The following FGF13 variants were observed in gnomAD, a reference collection of about 807,000 sequenced individuals.
The protein encoded by FGF13 is fibroblast growth factor 13, also known as fibroblast growth factor homologous factor 2.
In FGF13, 2 loss-of-function variants were observed where a neutral mutation model predicts 19.5. The observed-to-expected ratio is 0.10, with a 90% CI of 0.04 to 0.32. The LOEUF is 0.32. Among genes scored for constraint, FGF13 ranks in the 10% least tolerant of loss-of-function variants. The pLI, the probability that FGF13 is intolerant of heterozygous loss-of-function variation, is 1.00. For synonymous variants in FGF13, 72 were observed against 76.9 expected (o/e 0.94, Z 0.33); for missense variants, 113 against 192.7 (o/e 0.59, Z 2.45).
At chrX:138,750,246 T>C (rs2124315925) in intron 3 of FGF13, among the ~76,000 whole-genome samples, 1 of 111,793 alleles carries the variant, frequency 8.9e-6, no homozygotes, top group African/African-American at 3.3e-5. Flanking sequence ...AAATAAAGGT[T>C]TATAATTATA....
At chrX:138,860,137 G>A (rs2091281025) in intron 2 of FGF13, among the ~76,000 whole-genome samples, 1 of 112,013 alleles carries the variant, frequency 8.9e-6, no homozygotes, top group South Asian at 3.8e-4. Flanking sequence ...AAGTGGCACT[G>A]TATAGGCAAC....
intron 1 of FGF13, among the ~76,000 whole-genome samples, chrX:138,981,067 T>C (rs1304939956): frequency 9.0e-6 from 1 of 111,455 alleles, no homozygotes; most frequent in Admixed American, 9.5e-5. Flanking sequence ...GTTTTGTTTA[T>C]TTCATTCTTA....
intron 1 of FGF13, among the ~76,000 whole-genome samples, chrX:138,907,029 G>A (rs2091562085): frequency 9.0e-6 from 1 of 111,682 alleles, no homozygotes; most frequent in Admixed American, 9.5e-5. Context: ...GTGTAACAAA[G>A]AGGCTGCCTG....
intron 1 of FGF13, among the ~76,000 whole-genome samples, chrX:138,972,661 C>T (rs962795313): frequency 9.0e-6 from 1 of 111,007 alleles, no homozygotes; most frequent in African/African-American, 3.3e-5. Flanking sequence ...CGGGCCCTCA[C>T]CATCATTTTT....
At chrX:138,850,755 G>A (rs1013957725) in intron 3 of FGF13, among the ~76,000 whole-genome samples, 2 of 112,372 alleles carry the variant, frequency 1.8e-5, no homozygotes, top group African/African-American at 6.5e-5. Context: ...AAGTTCCGGT[G>A]TACATGTGTG....
At chrX:138,788,622 A>G (rs770300118) in intron 3 of FGF13, among the ~76,000 whole-genome samples, 211 of 112,202 alleles carry the variant, frequency 1.9e-3, no homozygotes, top group African/African-American at 6.5e-3. Flanking sequence ...GTCCTGTCCA[A>G]TACAATCTAA....
chrX:138,927,808 C>T (rs933783270), intron 1 of FGF13, among the ~76,000 whole-genome samples: 1 of 111,551 alleles, frequency 9.0e-6, no homozygotes, highest in Non-Finnish European at 1.9e-5. Context: ...GGTAGTCAGC[C>T]GCTACCATAG....
intron 3 of FGF13, among the ~76,000 whole-genome samples, chrX:138,786,602 A>G (rs1290266357): frequency 9.0e-6 from 1 of 111,255 alleles, no homozygotes; most frequent in Non-Finnish European, 1.9e-5. Flanking sequence ...GAATTCCCCC[A>G]CCCATCTCTT....
At chrX:139,097,767 A>G (rs1383178527) in intron 1 of FGF13, among the ~76,000 whole-genome samples, 1 of 111,628 alleles carries the variant, frequency 9.0e-6, no homozygotes, top group African/African-American at 3.3e-5. Context: ...AGGCAAAACA[A>G]TGGAGTAAAT....
chrX:138,687,769 A>T (rs1042224139), intron 3 of FGF13, among the ~76,000 whole-genome samples: 1 of 111,711 alleles, frequency 9.0e-6, no homozygotes, highest in Non-Finnish European at 1.9e-5. Flanking sequence ...TCAACAAATG[A>T]ACGAATAAAG....
At chrX:139,056,412 A>C (rs1205276247) in intron 1 of FGF13, among the ~76,000 whole-genome samples, 2 of 112,241 alleles carry the variant, frequency 1.8e-5, no homozygotes, top group Non-Finnish European at 3.8e-5. Flanking sequence ...TCATCACAAA[A>C]TAAGGATTAG....
rs1418397884 is a variant in FGF13 at position 138,622,806 on chromosome X, A to T, written c.*10044T>A. 2 of 111,351 alleles carry T rather than the reference A, an allele frequency of 1.8e-5. No individual in the cohort carries two copies. Among genetic ancestry groups the T allele is most frequent in the African/African-American group, 6.5e-5 (2 of 30,674 alleles). 9.2% of individuals were successfully genotyped at this position (111,351 alleles called of 1,213,427 possible). ...CATATGAATTTTAGAATTTTTTTTT[A>T]TTTCTGTAAAAGATTCGATTAAGAT... On this transcript the variant is annotated 3_prime_UTR_variant, in exon 5 of 5. Transcript: ENST00000315930.
rs148877505 is a variant in FGF13 at position 139,107,146 on chromosome X, A to G, written c.-113+96270T>C. Among the ~76,000 whole-genome samples the G allele has an allele frequency of 5.3e-3, 594 of 111,994 alleles. 2 individuals are homozygous for G. Among genetic ancestry groups the G allele is most frequent in the African/African-American group, 0.018 (560 of 30,842 alleles). On this transcript the variant is annotated intron_variant, in intron 1 of 2. Transcript: ENST00000421460. ...GGTGTGAACAAGTAAATTGACAAGTATGATAACGTGTGATGAAGAGTGGCA... is the reference window on the plus strand; with the variant it reads ...GGTGTGAACAAGTAAATTGACAAGTGTGATAACGTGTGATGAAGAGTGGCA...
intron 3 of FGF13, among the ~76,000 whole-genome samples, chrX:138,768,684 T>A (rs1315213398): frequency 9.9e-6 from 1 of 100,845 alleles, no homozygotes; most frequent in Non-Finnish European, 1.9e-5. Flanking sequence ...TATATCATAC[T>A]TATATATAAG....
At chrX:138,996,241 G>A (rs2092042170) in intron 1 of FGF13, among the ~76,000 whole-genome samples, 1 of 112,546 alleles carries the variant, frequency 8.9e-6, no homozygotes, top group Non-Finnish European at 1.9e-5. Context: ...CCTCACCCGG[G>A]AAGTGCAAGC....
chrX:138,984,579 AAGAAGAAGAAGGAGGAGGAGG>A (rs2091981930), intron 1 of FGF13, among the ~76,000 whole-genome samples: 2 of 49,478 alleles, frequency 4.0e-5, no homozygotes, highest in African/African-American at 1.6e-4. Context: ...GAAGAAGAAG[AAGAAGAAGAAGGAGGAGGAGG>A]AGGAGGAGGA....
chrX:139,198,466 C>T (rs1032528098), intron 1 of FGF13, among the ~76,000 whole-genome samples: 2 of 111,671 alleles, frequency 1.8e-5, no homozygotes, highest in Non-Finnish European at 3.8e-5. Context: ...CAACCACAAC[C>T]CTACACCAGC....
At chrX:138,642,983 C>A (rs1255862325) in intron 3 of FGF13, among the ~76,000 whole-genome samples, 2 of 112,350 alleles carry the variant, frequency 1.8e-5, no homozygotes, top group African/African-American at 6.5e-5. Flanking sequence ...ACACTGAATT[C>A]TTTACCAAGA....
chrX:138,805,479 A>C (rs2090859309), intron 3 of FGF13, among the ~76,000 whole-genome samples: 3 of 111,259 alleles, frequency 2.7e-5, no homozygotes, highest in Admixed American at 9.7e-5. Context: ...TTTTAAATGC[A>C]ACATTTGATT....
Sources: allele counts gnomAD v4.1 joint callset (sites outside exome capture counted in the v4.1 genomes callset), GRCh38; gene constraint gnomAD v4.1.1; transcripts MANE v1.5; gene names NCBI Gene and HGNC (gene_info 2026-07-23, HGNC 2026-07-21).